Variants in EML3 observed in about 807,000 individuals in gnomAD.
The protein encoded by EML3 is EMAP like 3.
EML3 carries 53 observed loss-of-function variants against 106.7 expected under a neutral mutation model. That is an observed-to-expected ratio of 0.50 (90% CI 0.40 to 0.62). The LOEUF is 0.62. Among genes scored for constraint, EML3 ranks in the 20% least tolerant of loss-of-function variants. The probability of loss-of-function intolerance (pLI) is 0.00; values close to 1 mark genes in which losing one functional copy is unlikely to be tolerated. For missense variants in EML3, 994 were observed against 1,209.1 expected, an observed-to-expected ratio of 0.82 and a Z score of 2.64; for synonymous variants, 499 against 489.6, an observed-to-expected ratio of 1.02 and a Z score of -0.25.
chr11:62,608,922 A>G (rs1433146259), intron 7 of EML3, 40 bp downstream of exon 7: 26 of 1,607,754 alleles, frequency 1.6e-5, no homozygotes, highest in Non-Finnish European at 2.2e-5. Context: ...ATCCCCCCAG[A>G]CCCTCTTCCT....
chr11:62,602,233 G>T lies in EML3; in HGVS notation c.*242C>A. Reference sequence around the variant, plus strand: ...GCACCGGGAGGCGACTTTGGTTCTGGTTTATTGCCCCTCAGCAGGCAGCGG... The same window carrying T: ...GCACCGGGAGGCGACTTTGGTTCTGTTTTATTGCCCCTCAGCAGGCAGCGG... On this transcript the variant is annotated 3_prime_UTR_variant, in exon 22 of 22. Coordinates refer to ENST00000394773, the MANE Select transcript of EML3 (RefSeq NM_153265.3). 7 of 1,537,046 alleles carry T rather than the reference G, an allele frequency of 4.6e-6. No individual in the cohort carries two copies. In the South Asian group the frequency reaches 8.4e-5, roughly 19 times the overall value.
At chr11:62,606,252 T>A (rs2134368137) in intron 12 of EML3, 38 bp from the exon 13 acceptor site, 1 of 1,597,024 alleles carries the variant, frequency 6.3e-7, no homozygotes, top group East Asian at 2.3e-5. Flanking sequence ...GTTTTGGGGG[T>A]GCAGGGGAGT....
Position 62,602,742 on chromosome 11 carries a change from G to T in EML3, c.2487+17C>A. On this transcript the variant is annotated intron_variant, in intron 21 of 21. Coordinates refer to ENST00000394773, the MANE Select transcript of EML3 (RefSeq NM_153265.3). ...TCGGGCCCACCGGTCCCACCCCGGC[G>T]ATCCCCGCGGCCTCACCTTGGCACG... The T allele has an allele frequency of 6.2e-7, 1 of 1,609,496 alleles. No individual in the cohort carries two copies. Among genetic ancestry groups the T allele is most frequent in the African/African-American group, 1.3e-5 (1 of 74,938 alleles).
In EML3 at chr11:62,603,699, C is replaced by A. The variant is rs1417566273; in HGVS notation, c.2257+30G>T. On this transcript the variant is annotated intron_variant, in intron 19 of 21. Transcript: ENST00000394773. ...ACACAAAACCCACTCCAATTACCCT[C>A]TCCCCATGTCCTGCTCCACTGCCAC... is the stretch of plus-strand genomic sequence containing the variant. 5 of 1,598,716 alleles carry A rather than the reference C, an allele frequency of 3.1e-6. No individual in the cohort carries two copies. In the African/African-American group the frequency reaches 5.4e-5, roughly 17 times the overall value.
In EML3 at chr11:62,603,200, G is replaced by C. The variant is rs776301213; in HGVS notation, c.2305C>G (p.Arg769Gly). 1 of 1,613,890 alleles carries C rather than the reference G, an allele frequency of 6.2e-7. No homozygotes were observed. Among genetic ancestry groups the C allele is most frequent in the Non-Finnish European group, 8.5e-7 (1 of 1,180,038 alleles). Residue 769 changes from arginine (R) to glycine (G), a missense_variant, in exon 20 of 22, where the codon CGA becomes GGA. Arg to Gly is a moderately radical substitution (Grantham distance 125, BLOSUM62 -2). Coordinates refer to ENST00000394773, the MANE Select transcript of EML3 (RefSeq NM_153265.3). ...CKQLKNRYES[R>G]DREWATYTCV... ...GTGTAGGTAGCCCATTCCCGGTCTC[G>C]GCTCTCATAGCGATTCTTCAGCTGC...
In EML3 at chr11:62,606,201, A is replaced by T. The variant is rs1942509426; in HGVS notation, c.1518T>A (p.Ile506=). The T allele has an allele frequency of 1.2e-6, 2 of 1,613,766 alleles. No homozygotes were observed. The highest frequency in any genetic ancestry group is 1.7e-6 in the Non-Finnish European group (2 of 1,180,014). Reference sequence around the variant, plus strand: ...CTTCATGAGCGTGAGCCTGGGCCACAATCCCATAGGTCTCTGTTGGCAAAG... The same window carrying T: ...CTTCATGAGCGTGAGCCTGGGCCACTATCCCATAGGTCTCTGTTGGCAAAG... ...GRGGAKETYG[I]VAQAHAHEGS... Residue 506 remains isoleucine (I), a synonymous_variant, in exon 13 of 22, where the codon ATT becomes ATA. Transcript: ENST00000394773.
chr11:62,605,592 A>G lies in EML3; in HGVS notation c.1914+50T>C. 6 of 1,505,514 alleles carry G rather than the reference A, an allele frequency of 4.0e-6. No homozygotes were observed. The highest frequency in any genetic ancestry group is 1.4e-5 in the African/African-American group (1 of 71,612). The allele number at this position is 1,505,514 out of a possible 1,614,324, so 93.3% of individuals were successfully genotyped here. ...GTGCTGGGGAAGGCGTGGTGGCCACAGGTGTCCTGGTGGGTGTGGCATGGG... is the reference window on the plus strand; with the variant it reads ...GTGCTGGGGAAGGCGTGGTGGCCACGGGTGTCCTGGTGGGTGTGGCATGGG... On this transcript the variant is annotated intron_variant, in intron 15 of 21. Coordinates refer to ENST00000394773, the MANE Select transcript of EML3 (RefSeq NM_153265.3). This position sits in a 1 kb window ranked among gnomAD's most constrained non-coding sequence, Gnocchi z 5.2.
intron 4 of EML3, among the ~76,000 whole-genome samples, chr11:62,610,107 G>A (rs905092127): frequency 1.3e-5 from 2 of 152,152 alleles, no homozygotes; most frequent in East Asian, 3.8e-4. Flanking sequence ...ACACGTGCGC[G>A]CCACTAGGCC....
chr11:62,612,209 A>G, intron 1 of EML3: 1 of 521,528 alleles, frequency 1.9e-6, no homozygotes, highest in Middle Eastern at 4.3e-4. Context: ...GGAAACATCG[A>G]GGGGCCCGGA....
In EML3 at chr11:62,612,566, C is replaced by A; in HGVS notation, c.-109G>T. The A allele has an allele frequency of 2.7e-6, 3 of 1,116,354 alleles. No homozygotes were observed. The highest frequency in any genetic ancestry group is 3.3e-5 in the African/African-American group (2 of 60,782). 69.2% of individuals were successfully genotyped at this position (1,116,354 alleles called of 1,614,324 possible). A position where few individuals can be genotyped will look rare whatever the true frequency, so the allele number is the denominator to read the frequency against. ...AGCACCCCGGGGCGCGCGCGAAGGG[C>A]GCCGTACCACCACCCCGAGGGGGCG... is the stretch of plus-strand genomic sequence containing the variant. On this transcript the variant is annotated 5_prime_UTR_variant, in exon 1 of 22. Coordinates refer to ENST00000394773, the MANE Select transcript of EML3 (RefSeq NM_153265.3).
chr11:62,605,043 C>T lies in EML3; in HGVS notation c.1982+70G>A. Reference sequence around the variant, plus strand: ...GGGTAGAGGTGGTCACTCTCGCCCACTCCCCCAGTACCAGGAACCCTTCCC... The same window carrying T: ...GGGTAGAGGTGGTCACTCTCGCCCATTCCCCCAGTACCAGGAACCCTTCCC... On this transcript the variant is annotated intron_variant, in intron 16 of 21. Coordinates refer to ENST00000394773, the MANE Select transcript of EML3 (RefSeq NM_153265.3). This position sits in a 1 kb window ranked among gnomAD's most constrained non-coding sequence, Gnocchi z 5.2. The T allele has an allele frequency of 6.7e-7, 1 of 1,488,378 alleles. No homozygotes were observed. Among genetic ancestry groups the T allele is most frequent in the Non-Finnish European group, 9.1e-7 (1 of 1,104,698 alleles). 92.2% of individuals were successfully genotyped at this position (1,488,378 alleles called of 1,614,324 possible). A position where few individuals can be genotyped will look rare whatever the true frequency, so the allele number is the denominator to read the frequency against.
At chr11:62,606,820 G>A in intron 12 of EML3, 138 bp downstream of exon 12, 2 of 982,624 alleles carry the variant, frequency 2.0e-6, no homozygotes, top group Non-Finnish European at 2.8e-6. Context: ...TCGCGCCACT[G>A]CAATCCAGCC....
rs1451129872 is a variant in EML3, at chr11:62,603,250, G to A, written c.2258-3C>T. ...CTTGCAGCCTCCAGCCACGTCCCCT[G>A]GGGAGAGGGAGCCCGCCCAGCTCAG... On this transcript the variant is annotated splice_polypyrimidine_tract_variant and splice_region_variant and intron_variant, in intron 19 of 21. Coordinates refer to ENST00000394773, the MANE Select transcript of EML3 (RefSeq NM_153265.3). 1.2e-6 allele frequency: 2 copies of A among 1,613,082 alleles called. No individual in the cohort carries two copies. The highest frequency in any genetic ancestry group is 1.7e-6 in the Non-Finnish European group (2 of 1,179,916).
chr11:62,606,336 T>C, intron 12 of EML3, 122 bp from the exon 13 acceptor site: 1 of 1,127,024 alleles, frequency 8.9e-7, no homozygotes, highest in Admixed American at 2.5e-5. Context: ...CTACTATGTC[T>C]CATCCTCATA....
At position 62,602,744 on chromosome 11, in the gene EML3, T is replaced by C. The variant is rs1942300756; in HGVS notation, c.2487+15A>G. 6.2e-7 allele frequency: 1 copy of C among 1,609,588 alleles called. No homozygotes were observed. Among genetic ancestry groups the C allele is most frequent in the Non-Finnish European group, 8.5e-7 (1 of 1,178,662 alleles). ...GGGCCCACCGGTCCCACCCCGGCGATCCCCGCGGCCTCACCTTGGCACGAG... is the reference window on the plus strand; with the variant it reads ...GGGCCCACCGGTCCCACCCCGGCGACCCCCGCGGCCTCACCTTGGCACGAG... On this transcript the variant is annotated intron_variant, in intron 21 of 21. Transcript: ENST00000394773.
Position 62,604,030 on chromosome 11 carries a change from G to C in EML3, c.2083C>G (p.Leu695Val), listed in dbSNP as rs1015881499. 3.1e-6 allele frequency: 5 copies of C among 1,613,952 alleles called. No homozygotes were observed. The highest frequency in any genetic ancestry group is 2.2e-5 in the South Asian group (2 of 91,066). Residue 695 changes from leucine (L) to valine (V), a missense_variant, in exon 18 of 22, where the codon CTG becomes GTG. Transcript: ENST00000394773. Reference sequence around the variant, plus strand: ...ACGTTGTCATGGGAACCAATGGCCAGGTACAACCCATCTGCAAATACAGTC... The same window carrying C: ...ACGTTGTCATGGGAACCAATGGCCACGTACAACCCATCTGCAAATACAGTC... ...VVRYSPDGLY[L>V]AIGSHDNVIY...
chr11:62,610,923 T>A lies in EML3; in HGVS notation c.522A>T (p.Ala174=). 1 of 1,613,056 alleles carries A rather than the reference T, an allele frequency of 6.2e-7. No homozygotes were observed. Among genetic ancestry groups the A allele is most frequent in the South Asian group, 1.1e-5 (1 of 91,060 alleles). Residue 174 remains alanine (A), a synonymous_variant, in exon 4 of 22, where the codon GCA becomes GCT. Coordinates refer to ENST00000394773, the MANE Select transcript of EML3 (RefSeq NM_153265.3). ...GCACTAACAGGTTGGCGGAGGAGAT[T>A]GCCTTCCTGGAGAGCTTCTGCCGAG... The part of the protein sequence containing the change: ...ERPRQKLSRK[A]ISSANLLVRS...
At chr11:62,606,927 C>T (rs200413702) in intron 12 of EML3, 31 bp downstream of exon 12, 11 of 1,598,250 alleles carry the variant, frequency 6.9e-6, no homozygotes, top group African/African-American at 1.3e-5. Flanking sequence ...TGGAGTACTA[C>T]ACTTCCCAGA....
At chr11:62,604,748 G>A (rs1039037596) in intron 16 of EML3, 12 of 194,140 alleles carry the variant, frequency 6.2e-5, no homozygotes, top group African/African-American at 1.4e-4. Flanking sequence ...TTCTGATGTC[G>A]TCTGAAAAAG....
Sources: allele counts gnomAD v4.1 joint callset (sites outside exome capture counted in the v4.1 genomes callset), GRCh38; gene constraint gnomAD v4.1.1; non-coding constraint Gnocchi (gnomAD v3.1); transcripts MANE v1.5; gene names NCBI Gene and HGNC (gene_info 2026-07-23, HGNC 2026-07-21).